RAB18: variants seen among roughly 807,000 people sequenced by gnomAD.
RAB18 encodes the protein ras-related protein Rab-18.
A neutral mutation model predicts 28.5 loss-of-function variants in RAB18; 10 were observed. The ratio of observed to expected loss-of-function variants is 0.35; its 90% CI spans 0.22 to 0.60. The LOEUF is 0.60. RAB18 is among the 20% of genes least tolerant of loss of function. RAB18 has a pLI of 0.78. For missense variants in RAB18, 188 were observed against 244.2 expected, an observed-to-expected ratio of 0.77 and a Z score of 1.53; for synonymous variants, 93 against 86.9, an observed-to-expected ratio of 1.07 and a Z score of -0.39.
chr10:27,520,017 A>G (rs1589571733), intron 2 of RAB18, among the ~76,000 whole-genome samples: 2 of 152,198 alleles, frequency 1.3e-5, no homozygotes, highest in South Asian at 4.1e-4. Context: ...ATTTTGTCAA[A>G]TGCATTTTCT....
chr10:27,530,499 A>G (rs1834765905), intron 3 of RAB18, among the ~76,000 whole-genome samples: 1 of 151,748 alleles, frequency 6.6e-6, no homozygotes, highest in Non-Finnish European at 1.5e-5. Context: ...CAGTTCTCAA[A>G]GTTATAATGT....
chr10:27,506,680 A>G (rs1490483507), intron 1 of RAB18, among the ~76,000 whole-genome samples: 1 of 152,058 alleles, frequency 6.6e-6, no homozygotes. Context: ...GTGGTCTCCA[A>G]CACACAGGCT....
At chr10:27,511,423 C>T (rs1393624622) in intron 2 of RAB18, among the ~76,000 whole-genome samples, 1 of 152,036 alleles carries the variant, frequency 6.6e-6, no homozygotes, top group African/African-American at 2.4e-5. Context: ...CCAGGCTGGT[C>T]TTGAGCTCCT....
chr10:27,529,990 G>A (rs1564835472), intron 3 of RAB18, among the ~76,000 whole-genome samples: 1 of 151,876 alleles, frequency 6.6e-6, no homozygotes, highest in Non-Finnish European at 1.5e-5. Flanking sequence ...TTCTTGCTAT[G>A]GTTTTTACTT....
chr10:27,521,680 A>G (rs1386964519), intron 2 of RAB18, among the ~76,000 whole-genome samples: 2 of 152,146 alleles, frequency 1.3e-5, no homozygotes, highest in African/African-American at 4.8e-5. Context: ...GATACAGTGG[A>G]ACTTGGGGAC....
At position 27,541,635 on chromosome 10, in the gene RAB18, C is replaced by CT. The variant is rs34647017; in HGVS notation, c.*3597dup. On this transcript the variant is annotated 3_prime_UTR_variant, in exon 7 of 7. Transcript: ENST00000356940. ...CGTTTCTCATGCAGGTTATTTCTTGCTTTTTTTTTTTTTCCTCTTTTTTAA... is the reference window on the plus strand; with the variant it reads ...CGTTTCTCATGCAGGTTATTTCTTGCTTTTTTTTTTTTTTCCTCTTTTTTAA... 5.3e-3 allele frequency: 2,223 copies of CT among 418,602 alleles called. 5 individuals are homozygous for CT. Among genetic ancestry groups the CT allele is most frequent in the African/African-American group, 0.021 (972 of 46,170 alleles). 25.9% of individuals were successfully genotyped at this position (418,602 alleles called of 1,614,324 possible). A position where few individuals can be genotyped will look rare whatever the true frequency, so the allele number is the denominator to read the frequency against.
At chr10:27,526,289 A>C (rs1053929543) in intron 2 of RAB18, among the ~76,000 whole-genome samples, 2 of 152,200 alleles carry the variant, frequency 1.3e-5, no homozygotes, top group Non-Finnish European at 2.9e-5. Context: ...TTATTACATA[A>C]AAATAGTATT....
chr10:27,527,867 TTGTGTAAG>T (rs1834709564), intron 3 of RAB18, among the ~76,000 whole-genome samples: 1 of 152,108 alleles, frequency 6.6e-6, no homozygotes, highest in Non-Finnish European at 1.5e-5. Flanking sequence ...TAACAAATAA[TTGTGTAAG>T]TGTGTTTAAT....
chr10:27,538,075 C>CAT lies in RAB18; in HGVS notation c.*27_*28dup, dbSNP rs1343101736. ...AAACTCTGGGAAATTCCATCTCTTG[C>CAT]ATATTTGATCAGATAGTGACATCTT... On this transcript the variant is annotated 3_prime_UTR_variant, in exon 7 of 7. Coordinates refer to ENST00000356940, the MANE Select transcript of RAB18 (RefSeq NM_021252.5). The CAT allele has an allele frequency of 1.9e-6, 3 of 1,613,456 alleles. No individual in the cohort carries two copies. The highest frequency in any genetic ancestry group is 2.5e-6 in the Non-Finnish European group (3 of 1,179,518).
intron 1 of RAB18, 137 bp from the exon 2 acceptor site, chr10:27,509,738 G>C: frequency 2.7e-6 from 2 of 735,194 alleles, no homozygotes; most frequent in South Asian, 1.5e-5. Flanking sequence ...CTGCTCTGAG[G>C]CAGTATTCCT....
At chr10:27,523,287 T>C (rs892492974) in intron 2 of RAB18, among the ~76,000 whole-genome samples, 7 of 96,674 alleles carry the variant, frequency 7.2e-5, no homozygotes, top group Non-Finnish European at 1.6e-4. Flanking sequence ...TTTTTTTTTT[T>C]TGCTAGGGGC....
intron 4 of RAB18, 116 bp downstream of exon 4, chr10:27,532,695 AC>A: frequency 1.3e-6 from 1 of 762,736 alleles, no homozygotes; most frequent in Non-Finnish European, 2.2e-6. Context: ...CTTTTATGTA[AC>A]TTGTAGTTGT....
chr10:27,520,157 T>G (rs778000379), intron 2 of RAB18, among the ~76,000 whole-genome samples: 1 of 152,236 alleles, frequency 6.6e-6, no homozygotes, highest in African/African-American at 2.4e-5. Flanking sequence ...ACTGATTCAA[T>G]CTTCTTACTA....
intron 3 of RAB18, among the ~76,000 whole-genome samples, chr10:27,531,280 C>T (rs572811414): frequency 2.6e-5 from 4 of 151,962 alleles, no homozygotes; most frequent in African/African-American, 7.2e-5. Context: ...TACATTGAAA[C>T]GTTACTTTCC....
At chr10:27,531,007 G>A (rs1232076681) in intron 3 of RAB18, among the ~76,000 whole-genome samples, 1 of 151,994 alleles carries the variant, frequency 6.6e-6, no homozygotes, top group Non-Finnish European at 1.5e-5. Context: ...TCTTGAAAAG[G>A]TGAGTAAATA....
chr10:27,528,841 A>G (rs771501547), intron 3 of RAB18, among the ~76,000 whole-genome samples: 9 of 152,016 alleles, frequency 5.9e-5, no homozygotes, highest in Non-Finnish European at 1.0e-4. Flanking sequence ...AATTGTATTC[A>G]TATTCATTCT....
At position 27,542,172 on chromosome 10, in the gene RAB18, CTGAAT is replaced by C. The variant is rs1163119632; in HGVS notation, c.*4125_*4129del. 2.2e-6 allele frequency: 1 copy of C among 453,934 alleles called. No individual in the cohort carries two copies. The highest frequency in any genetic ancestry group is 2.0e-5 in the African/African-American group (1 of 49,982). The allele number at this position is 453,934 out of a possible 1,614,324, so 28.1% of individuals were successfully genotyped here. A position where few individuals can be genotyped will look rare whatever the true frequency, so the allele number is the denominator to read the frequency against. On this transcript the variant is annotated 3_prime_UTR_variant, in exon 7 of 7. Transcript: ENST00000356940. ...TGGGAACTTCTGGATCAAATTGGAC[CTGAAT>C]TGAGATCTATTTCTCAGCTTTCACT... is the stretch of plus-strand genomic sequence containing the variant.
chr10:27,532,514 C>T lies in RAB18; in HGVS notation c.194C>T (p.Ala65Val), dbSNP rs1272462964. 6.3e-7 allele frequency: 1 copy of T among 1,599,498 alleles called. No homozygotes were observed. The highest frequency in any genetic ancestry group is 1.7e-5 in the Admixed American group (1 of 59,932). The change falls in exon 4 of 7, where the codon GCT becomes GTT. Residue 65 changes from alanine to valine, a missense_variant. Coordinates refer to ENST00000356940, the MANE Select transcript of RAB18 (RefSeq NM_021252.5). ...AATAATGATCATTTTTAGGATACTG[C>T]TGGTCAAGAGAGGTTTAGAACATTA... ...NKAKLAIWDT[A>V]GQERFRTLTP... is the part of the protein sequence containing the mutation.
chr10:27,504,955 T>G lies in RAB18; in HGVS notation c.68+518T>G, dbSNP rs577487570. 5 of 533,092 alleles carry G rather than the reference T, an allele frequency of 9.4e-6. No individual in the cohort carries two copies. In the East Asian group the frequency reaches 2.7e-4, roughly 29 times the overall value. 33.0% of individuals were successfully genotyped at this position (533,092 alleles called of 1,614,324 possible). A position where few individuals can be genotyped will look rare whatever the true frequency, so the allele number is the denominator to read the frequency against. ...TGGCCTGTTTGGGCGCAGCTTAATG[T>G]CGATTCTTTTACTTTTTTATTAGTC... On this transcript the variant is annotated intron_variant, in intron 1 of 6. Coordinates refer to ENST00000356940, the MANE Select transcript of RAB18 (RefSeq NM_021252.5).
Sources: gnomAD v4.1 joint callset for allele counts (sites outside exome capture counted in the v4.1 genomes callset) on GRCh38, gnomAD v4.1.1 for gene constraint, MANE v1.5 for transcripts, NCBI Gene and HGNC (gene_info 2026-07-23, HGNC 2026-07-21) for gene names.